Variants in RERE observed in about 807,000 individuals in gnomAD.
RERE encodes the protein arginine-glutamic acid dipeptide repeats.
RERE carries 40 observed loss-of-function variants against 146.1 expected under a neutral mutation model. The ratio of observed to expected loss-of-function variants is 0.27; its 90% CI spans 0.21 to 0.36. The LOEUF is 0.36. RERE is among the 10% of genes least tolerant of loss of function. The probability of loss-of-function intolerance (pLI) is 1.00; values close to 1 mark genes in which losing one functional copy is unlikely to be tolerated. For synonymous variants in RERE, 1,003 were observed against 866.0 expected (o/e 1.16, Z -2.78); for missense variants, 1,933 against 2,138.7 (o/e 0.90, Z 1.90).
At chr1:8,736,458 C>T (rs1222505154) in intron 1 of RERE, among the ~76,000 whole-genome samples, 2 of 152,244 alleles carry the variant, frequency 1.3e-5, no homozygotes, top group East Asian at 1.9e-4. Flanking sequence ...CCACCCACCT[C>T]GGCCTCCCAA....
At chr1:8,797,591 A>G (rs925146095) in intron 1 of RERE, among the ~76,000 whole-genome samples, 3 of 152,208 alleles carry the variant, frequency 2.0e-5, no homozygotes, top group Non-Finnish European at 2.9e-5. Context: ...AGCACTTACC[A>G]TATTTTAAAA....
chr1:8,814,918 A>G (rs1641881688), intron 1 of RERE, among the ~76,000 whole-genome samples: 1 of 152,218 alleles, frequency 6.6e-6, no homozygotes, highest in Non-Finnish European at 1.5e-5. Context: ...TAATGCCTCA[A>G]TGCAACCGTG....
intron 1 of RERE, among the ~76,000 whole-genome samples, chr1:8,746,475 A>G (rs1473812947): frequency 6.6e-6 from 1 of 152,152 alleles, no homozygotes; most frequent in Admixed American, 6.5e-5. Flanking sequence ...AGAAGAAAAA[A>G]AATACAAAGC....
chr1:8,763,488 A>T (rs1208303998), intron 1 of RERE, among the ~76,000 whole-genome samples: 1 of 152,148 alleles, frequency 6.6e-6, no homozygotes, highest in African/African-American at 2.4e-5. Context: ...CAAAAAAATC[A>T]GCCAGATGTG....
intron 11 of RERE, among the ~76,000 whole-genome samples, chr1:8,459,920 A>G (rs1009466223): frequency 2.0e-5 from 3 of 152,210 alleles, no homozygotes; most frequent in African/African-American, 4.8e-5. Flanking sequence ...TACCATTCCT[A>G]AAATAAATAT....
chr1:8,621,262 GC>G (rs1020991548), intron 3 of RERE, among the ~76,000 whole-genome samples: 9 of 152,128 alleles, frequency 5.9e-5, no homozygotes, highest in African/African-American at 2.2e-4. Context: ...AGGGAATGCA[GC>G]AGCAGAGTAG....
At position 8,399,746 on chromosome 1, in the gene RERE, ATCTC is replaced by A. The variant is rs528523031; in HGVS notation, c.1284+22977_1284+22980del. Among the ~76,000 whole-genome samples the A allele has an allele frequency of 1.3e-3, 196 of 152,168 alleles. 1 individual carries two copies. The highest frequency in any genetic ancestry group is 2.2e-3 in the Admixed American group (33 of 15,274). ...CTTTTTCCATTAACATCGGCGCATC[ATCTC>A]TCCATTTATCTACGTCTTTTTTTTA... On this transcript the variant is annotated intron_variant, in intron 12 of 22. Coordinates refer to ENST00000400908, the MANE Select transcript of RERE (RefSeq NM_001042681.2).
intron 3 of RERE, 36 bp downstream of exon 3, chr1:8,624,274 A>C: frequency 6.8e-7 from 1 of 1,464,558 alleles, no homozygotes; most frequent in Non-Finnish European, 9.6e-7. Flanking sequence ...AAGAGAGAAT[A>C]CAGAGCAGAG....
intron 4 of RERE, among the ~76,000 whole-genome samples, chr1:8,592,842 T>G (rs1309061251): frequency 6.6e-6 from 1 of 152,342 alleles, no homozygotes; most frequent in East Asian, 1.9e-4. Context: ...ATTCAATTCA[T>G]AAATTTAGTT....
At chr1:8,431,961 A>T (rs1431124999) in intron 11 of RERE, among the ~76,000 whole-genome samples, 3 of 151,972 alleles carry the variant, frequency 2.0e-5, no homozygotes, top group Non-Finnish European at 4.4e-5. Flanking sequence ...CACTTCATGG[A>T]GTTTCCTGTT....
At chr1:8,696,450 C>T (rs182122005) in intron 1 of RERE, among the ~76,000 whole-genome samples, 171 of 152,202 alleles carry the variant, frequency 1.1e-3, no homozygotes, top group South Asian at 9.5e-3. Context: ...CCCATCTCTA[C>T]TAAAAAGATA....
At position 8,656,352 on chromosome 1, in the gene RERE, G is replaced by C. The variant is rs1242499669; in HGVS notation, c.-55C>G. ...CACGGCTAGGCCTCCGTGAAAGGTA[G>C]ACAGTAAGCCTGGGCTTCAGTCTTC... On this transcript the variant is annotated 5_prime_UTR_variant, in exon 2 of 23. Transcript: ENST00000400908. 7.1e-6 allele frequency: 11 copies of C among 1,547,606 alleles called. No individual in the cohort carries two copies. Among genetic ancestry groups the C allele is most frequent in the Non-Finnish European group, 9.6e-6 (11 of 1,150,416 alleles).
intron 1 of RERE, among the ~76,000 whole-genome samples, chr1:8,726,421 G>C (rs1207722420): frequency 6.6e-6 from 1 of 152,096 alleles, no homozygotes; most frequent in East Asian, 1.9e-4. Context: ...CCAAAGTGCT[G>C]GGGTTACAGG....
chr1:8,435,229 A>G (rs889139711), intron 11 of RERE, among the ~76,000 whole-genome samples: 3 of 152,250 alleles, frequency 2.0e-5, no homozygotes, highest in African/African-American at 7.2e-5. Flanking sequence ...TCTTATCACC[A>G]TATGTGATAT....
At chr1:8,670,591 G>T (rs756299591) in intron 1 of RERE, among the ~76,000 whole-genome samples, 2 of 152,184 alleles carry the variant, frequency 1.3e-5, no homozygotes, top group Non-Finnish European at 2.9e-5. Flanking sequence ...GTAATCACTG[G>T]CAAGGGATCA....
At chr1:8,779,114 T>C (rs1252000864) in intron 1 of RERE, among the ~76,000 whole-genome samples, 1 of 151,598 alleles carries the variant, frequency 6.6e-6, no homozygotes, top group Non-Finnish European at 1.5e-5. Flanking sequence ...CCCAAAATGC[T>C]GGGATTACAG....
At chr1:8,698,516 C>G (rs999046145) in intron 1 of RERE, among the ~76,000 whole-genome samples, 2 of 152,136 alleles carry the variant, frequency 1.3e-5, no homozygotes, top group Non-Finnish European at 2.9e-5. Flanking sequence ...CCTTTGAAGC[C>G]CACCAGTCAC....
intron 12 of RERE, among the ~76,000 whole-genome samples, chr1:8,404,355 T>C (rs1033909734): frequency 1.3e-5 from 2 of 151,946 alleles, no homozygotes; most frequent in Non-Finnish European, 2.9e-5. Context: ...GAGGCGGAGC[T>C]TGCAGTGAGC....
chr1:8,642,464 T>TG (rs1429401906), intron 2 of RERE, among the ~76,000 whole-genome samples: 1 of 152,238 alleles, frequency 6.6e-6, no homozygotes, highest in Admixed American at 6.5e-5. Flanking sequence ...TTTTTAGGGC[T>TG]GTTTCACTTG....
Sources: gnomAD v4.1 joint callset for allele counts (sites outside exome capture counted in the v4.1 genomes callset) on GRCh38, gnomAD v4.1.1 for gene constraint, MANE v1.5 for transcripts, NCBI Gene and HGNC (gene_info 2026-07-23, HGNC 2026-07-21) for gene names.